DOCK1: variants seen among roughly 807,000 people sequenced by gnomAD.
The protein encoded by DOCK1 is dedicator of cytokinesis 1.
Under a neutral mutation model 262.7 loss-of-function variants are expected in DOCK1, and 138 were observed. The observed-to-expected ratio is 0.53, with a 90% CI of 0.46 to 0.61. The LOEUF is 0.61. DOCK1 is among the 20% of genes least tolerant of loss of function. The probability of loss-of-function intolerance (pLI) is 0.00; values close to 1 mark genes in which losing one functional copy is unlikely to be tolerated. For missense variants in DOCK1, 1,908 were observed against 2,370.7 expected (o/e 0.80, Z 4.05); for synonymous variants, 866 against 867.4 (o/e 1.00, Z 0.03).
chr10:127,378,211 C>T (rs1209402928), intron 35 of DOCK1, among the ~76,000 whole-genome samples: 4 of 152,180 alleles, frequency 2.6e-5, no homozygotes, highest in African/African-American at 9.6e-5. Flanking sequence ...CTTGGCAAGG[C>T]TAATTAAATG....
chr10:127,228,985 C>G (rs2058740929), intron 27 of DOCK1, among the ~76,000 whole-genome samples: 1 of 152,098 alleles, frequency 6.6e-6, no homozygotes, highest in African/African-American at 2.4e-5. Context: ...GTAATCCCAG[C>G]ACTCTGGGAG....
At chr10:127,073,686 C>G (rs949024414) in intron 23 of DOCK1, among the ~76,000 whole-genome samples, 8 of 152,178 alleles carry the variant, frequency 5.3e-5, no homozygotes, top group African/African-American at 7.2e-5. Flanking sequence ...CAGACAGAAC[C>G]ATCGTTAACC....
chr10:127,305,220 T>C (rs2061830635), intron 29 of DOCK1, among the ~76,000 whole-genome samples: 1 of 152,172 alleles, frequency 6.6e-6, no homozygotes, highest in African/African-American at 2.4e-5. Flanking sequence ...CATTTTCTCA[T>C]GTCACATTTA....
chr10:127,426,467 C>T (rs958442116), intron 47 of DOCK1, among the ~76,000 whole-genome samples: 5 of 152,074 alleles, frequency 3.3e-5, no homozygotes, highest in African/African-American at 1.2e-4. Flanking sequence ...TCATGGCCAT[C>T]GAGGAAGAAG....
intron 23 of DOCK1, among the ~76,000 whole-genome samples, chr10:127,062,472 A>G (rs1033336315): frequency 6.6e-6 from 1 of 152,242 alleles, no homozygotes; most frequent in Non-Finnish European, 1.5e-5. Context: ...GCATTGCTAC[A>G]GAACACTGGA....
chr10:127,221,700 C>A (rs756056131), intron 27 of DOCK1, among the ~76,000 whole-genome samples: 16 of 152,210 alleles, frequency 1.1e-4, no homozygotes, highest in Non-Finnish European at 1.9e-4. Flanking sequence ...AGGTGTCACT[C>A]TGGGCAGAGC....
At chr10:127,096,590 G>A (rs893072737) in intron 23 of DOCK1, among the ~76,000 whole-genome samples, 5 of 151,806 alleles carry the variant, frequency 3.3e-5, no homozygotes, top group Admixed American at 1.3e-4. Flanking sequence ...ATATGCTAAT[G>A]GATTTAATTA....
chr10:127,053,475 C>G (rs2044895110), intron 22 of DOCK1, among the ~76,000 whole-genome samples: 1 of 152,228 alleles, frequency 6.6e-6, no homozygotes. Flanking sequence ...AGAACTCTTC[C>G]TACATAGGGT....
intron 38 of DOCK1, among the ~76,000 whole-genome samples, chr10:127,388,900 C>A (rs1325198372): frequency 1.3e-5 from 2 of 152,000 alleles, no homozygotes; most frequent in Non-Finnish European, 2.9e-5. Context: ...ACCATCCAAT[C>A]TAGATTAACA....
intron 6 of DOCK1, among the ~76,000 whole-genome samples, chr10:126,992,686 A>G (rs929672765): frequency 6.7e-6 from 1 of 149,772 alleles, no homozygotes; most frequent in Non-Finnish European, 1.5e-5. Context: ...ATCTCTAGAA[A>G]AATGTACATA....
chr10:127,288,123 T>C (rs1358323945), intron 29 of DOCK1, among the ~76,000 whole-genome samples: 1 of 152,208 alleles, frequency 6.6e-6, no homozygotes, highest in Non-Finnish European at 1.5e-5. Flanking sequence ...AATTTTTTTC[T>C]TTAATACCTT....
At chr10:126,955,867 G>C (rs933554745) in intron 1 of DOCK1, among the ~76,000 whole-genome samples, 2 of 152,116 alleles carry the variant, frequency 1.3e-5, no homozygotes, top group Non-Finnish European at 2.9e-5. Flanking sequence ...ACTAAGGAAA[G>C]ATTCGTTTGT....
At chr10:126,980,777 CA>C (rs1216797985) in intron 3 of DOCK1, among the ~76,000 whole-genome samples, 1 of 152,212 alleles carries the variant, frequency 6.6e-6, no homozygotes, top group East Asian at 1.9e-4. Flanking sequence ...CTTGAAGCCA[CA>C]GGGGTGCCAC....
chr10:127,111,659 T>C (rs1205430846), intron 25 of DOCK1, among the ~76,000 whole-genome samples: 1 of 152,178 alleles, frequency 6.6e-6, no homozygotes, highest in Non-Finnish European at 1.5e-5. Flanking sequence ...ATAAGCTTTG[T>C]ACCACAGCAA....
At chr10:127,120,932 C>T (rs1455772909) in intron 25 of DOCK1, among the ~76,000 whole-genome samples, 1 of 152,194 alleles carries the variant, frequency 6.6e-6, no homozygotes, top group Non-Finnish European at 1.5e-5. Flanking sequence ...GCTAAATACA[C>T]ACATCGTATC....
At chr10:127,305,770 C>T (rs1007332523) in intron 29 of DOCK1, among the ~76,000 whole-genome samples, 1 of 152,170 alleles carries the variant, frequency 6.6e-6, no homozygotes, top group Admixed American at 6.5e-5. Flanking sequence ...GTGGCATCTC[C>T]GCACAGAGGT....
intron 23 of DOCK1, among the ~76,000 whole-genome samples, chr10:127,067,326 G>A (rs2045935619): frequency 6.6e-6 from 1 of 152,164 alleles, no homozygotes; most frequent in Non-Finnish European, 1.5e-5. Context: ...ATCATTTCAA[G>A]TCCACAAATA....
chr10:127,047,763 C>G (rs1331383644), intron 21 of DOCK1, among the ~76,000 whole-genome samples: 1 of 152,166 alleles, frequency 6.6e-6, no homozygotes, highest in Non-Finnish European at 1.5e-5. Context: ...GTCATGCACT[C>G]TTTTTGTATC....
At chr10:127,258,639 G>T (rs12769332) in intron 29 of DOCK1, among the ~76,000 whole-genome samples, 111,256 of 152,092 alleles carry the variant, frequency 0.73, 41,179 homozygotes, top group South Asian at 0.82. Context: ...CATGAGTTCG[G>T]TTCTGTGGCA....
Sources: gnomAD v4.1 joint callset for allele counts (sites outside exome capture counted in the v4.1 genomes callset) on GRCh38, gnomAD v4.1.1 for gene constraint, MANE v1.5 for transcripts, NCBI Gene and HGNC (gene_info 2026-07-23, HGNC 2026-07-21) for gene names.